CLTRN: variants seen among roughly 807,000 people sequenced by gnomAD.
CLTRN encodes the protein collectrin, amino acid transport regulator.
A neutral mutation model predicts 14.5 loss-of-function variants in CLTRN; 12 were observed. The ratio of observed to expected loss-of-function variants is 0.83; its 90% confidence interval spans 0.53 to 1.34. The LOEUF (loss-of-function observed/expected upper bound fraction) is 1.34, where lower values mean the gene tolerates loss of function less well. Among genes scored for constraint, CLTRN ranks in the 40% most tolerant of loss-of-function variants. The pLI is 0.00. For synonymous variants in CLTRN, 58 were observed against 56.5 expected (o/e 1.03, Z -0.12); for missense variants, 154 against 165.1 (o/e 0.93, Z 0.37).
intron 5 of CLTRN, 84 bp downstream of exon 5, chrX:15,639,478 C>G: frequency 1.1e-6 from 1 of 882,877 alleles, no homozygotes. Flanking sequence ...TTATCTTCAG[C>G]CAGAGGAAAA....
intron 3 of CLTRN, among the ~76,000 whole-genome samples, chrX:15,658,710 TTATATA>T (rs56162633): frequency 0.059 from 5,837 of 98,597 alleles, 397 homozygotes; most frequent in African/African-American, 0.2. Flanking sequence ...TGCAAGAAAA[TTATATA>T]TATATATATA....
chrX:15,651,337 T>C (rs966354861), intron 3 of CLTRN, among the ~76,000 whole-genome samples: 1 of 111,355 alleles, frequency 9.0e-6, no homozygotes, highest in Non-Finnish European at 1.9e-5. Flanking sequence ...AATTTAGTGA[T>C]GCTAAGACTC....
intron 5 of CLTRN, among the ~76,000 whole-genome samples, chrX:15,633,068 G>A (rs1928739804): frequency 9.1e-6 from 1 of 110,460 alleles, no homozygotes; most frequent in South Asian, 3.8e-4. Flanking sequence ...AATGATTTGA[G>A]TGGGCACTGT....
At chrX:15,657,194 T>C (rs1929390979) in intron 3 of CLTRN, among the ~76,000 whole-genome samples, 1 of 111,697 alleles carries the variant, frequency 9.0e-6, no homozygotes, top group Admixed American at 9.5e-5. Context: ...TTTTGCCATG[T>C]TGTCCATGTT....
At chrX:15,667,689 T>C (rs1192562880), upstream of CLTRN, among the ~76,000 whole-genome samples, 2 of 112,031 alleles carry the variant, frequency 1.8e-5, no homozygotes, top group Non-Finnish European at 3.8e-5. Context: ...TTGTCATCTT[T>C]GTTGAACTTA....
chrX:15,637,285 ATGATTAGAAAGGGCTTTC>A (rs1171292566), intron 5 of CLTRN, among the ~76,000 whole-genome samples: 3 of 111,377 alleles, frequency 2.7e-5, no homozygotes, highest in Non-Finnish European at 5.7e-5. Context: ...TATCTTTTCC[ATGATTAGAAAGGGCTTTC>A]ATTGCAATTT....
At chrX:15,638,467 C>CA (rs5901568) in intron 5 of CLTRN, among the ~76,000 whole-genome samples, 31,438 of 111,180 alleles carry the variant, frequency 0.28, 3,623 homozygotes, top group East Asian at 0.52. Context: ...AGCATTTAGT[C>CA]AACACATACT....
rs1569247940 is a variant in CLTRN at position 15,630,369 on chromosome X, AAGGAAGGAAGGAAGGAAG to A, written c.513-2260_513-2243del. ...ACGGGCTTTACCACAAGAAAGAAGGAAGGAAGGAAGGAAGGAAGGAAGGAAGGAAGGAAGGAAGGAAGG... is the reference window on the plus strand; with the variant it reads ...ACGGGCTTTACCACAAGAAAGAAGGAGAAGGAAGGAAGGAAGGAAGGAAGG... On this transcript the variant is annotated intron_variant, in intron 5 of 5. Coordinates refer to ENST00000380342, the MANE Select transcript of CLTRN (RefSeq NM_020665.6). Among the ~76,000 whole-genome samples the A allele has an allele frequency of 5.5e-4, 58 of 105,470 alleles. 1 individual carries two copies. The highest frequency in any genetic ancestry group is 1.7e-3 in the African/African-American group (49 of 28,989). 91.6% of individuals were successfully genotyped at this position (105,470 alleles called of 115,157 possible). A position where few individuals can be genotyped will look rare whatever the true frequency, so the allele number is the denominator to read the frequency against.
chrX:15,657,467 T>C (rs1341780979), intron 3 of CLTRN, among the ~76,000 whole-genome samples: 2 of 112,565 alleles, frequency 1.8e-5, no homozygotes, highest in Admixed American at 1.9e-4. Context: ...ATGGAAACAC[T>C]TAATTTAACT....
intron 2 of CLTRN, among the ~76,000 whole-genome samples, chrX:15,663,212 T>G (rs1929548277): frequency 8.9e-6 from 1 of 111,963 alleles, no homozygotes; most frequent in South Asian, 3.7e-4. Flanking sequence ...CTACTACTAC[T>G]ATAAGCTCCA....
chrX:15,649,255 A>G (rs185753200), intron 3 of CLTRN, among the ~76,000 whole-genome samples: 1 of 112,296 alleles, frequency 8.9e-6, no homozygotes, highest in African/African-American at 3.2e-5. Context: ...CCCCATCACT[A>G]TGGAACTATA....
chrX:15,634,938 A>AT (rs1928782547), intron 5 of CLTRN, among the ~76,000 whole-genome samples: 1 of 101,020 alleles, frequency 9.9e-6, no homozygotes, highest in East Asian at 3.8e-4. Flanking sequence ...TATAATAATA[A>AT]TAAAAAATAA....
At chrX:15,633,900 C>T (rs1242758369) in intron 5 of CLTRN, among the ~76,000 whole-genome samples, 3 of 112,074 alleles carry the variant, frequency 2.7e-5, no homozygotes, top group Non-Finnish European at 1.9e-5. Context: ...TTTGTCTCAT[C>T]CACAATACAT....
chrX:15,629,882 T>C (rs1460327458), intron 5 of CLTRN, among the ~76,000 whole-genome samples: 1 of 111,884 alleles, frequency 8.9e-6, no homozygotes, highest in East Asian at 2.8e-4. Context: ...GTAGATCACA[T>C]ATATGTTTTT....
rs747875341 is a variant in CLTRN, at chrX:15,639,530, G to C, written c.512+32C>G. ...CCAAGTCATGAGGAAATAAGAAAAT[G>C]CTCTTTCAATCACTCCTTTTAAATA... On this transcript the variant is annotated intron_variant, in intron 5 of 5. Transcript: ENST00000380342. 9.6e-6 allele frequency: 11 copies of C among 1,145,382 alleles called. No homozygotes were observed. The South Asian group carries it at 1.7e-4, about 18-fold the overall frequency. 94.4% of individuals were successfully genotyped at this position (1,145,382 alleles called of 1,213,427 possible). A position where few individuals can be genotyped will look rare whatever the true frequency, so the allele number is the denominator to read the frequency against.
intron 3 of CLTRN, among the ~76,000 whole-genome samples, chrX:15,655,316 C>A (rs2147209689): frequency 8.9e-6 from 1 of 112,460 alleles, no homozygotes; most frequent in Non-Finnish European, 1.9e-5. Context: ...GAGAGGTCTT[C>A]TGTGGTAGTG....
intron 3 of CLTRN, among the ~76,000 whole-genome samples, chrX:15,653,907 T>C (rs1169961417): frequency 1.8e-5 from 2 of 112,917 alleles, no homozygotes; most frequent in African/African-American, 6.4e-5. Context: ...CAATTGTTTT[T>C]ACCAAGAAAT....
At chrX:15,632,988 C>G (rs1305658900) in intron 5 of CLTRN, among the ~76,000 whole-genome samples, 12 of 109,647 alleles carry the variant, frequency 1.1e-4, no homozygotes. Flanking sequence ...AGTACAGAAT[C>G]AATTATCGGG....
At chrX:15,649,145 C>T (rs762061619) in intron 3 of CLTRN, among the ~76,000 whole-genome samples, 2 of 110,855 alleles carry the variant, frequency 1.8e-5, no homozygotes, top group African/African-American at 6.6e-5. Context: ...TAAATGCATA[C>T]ACTGTGGAGG....
Sources: gnomAD v4.1 joint callset for allele counts (sites outside exome capture counted in the v4.1 genomes callset) on GRCh38, gnomAD v4.1.1 for gene constraint, MANE v1.5 for transcripts, NCBI Gene and HGNC (gene_info 2026-07-23, HGNC 2026-07-21) for gene names.